The following ADAMTS19 variants were observed in gnomAD, a reference collection of about 807,000 sequenced individuals.
ADAMTS19 encodes ADAM metallopeptidase with thrombospondin type 1 motif 19, also known as A disintegrin and metalloproteinase with thrombospondin motifs 19.
ADAMTS19 carries 93 observed loss-of-function variants against 153.3 expected under a neutral mutation model. The ratio of observed to expected loss-of-function variants is 0.61; its 90% CI spans 0.51 to 0.72. ADAMTS19 has a LOEUF of 0.72. Among genes scored for constraint, ADAMTS19 ranks in the 30% least tolerant of loss-of-function variants. The probability of loss-of-function intolerance (pLI) is 0.00; values close to 1 mark genes in which losing one functional copy is unlikely to be tolerated. For missense variants in ADAMTS19, 1,482 were observed against 1,552.1 expected (o/e 0.95, Z 0.76); for synonymous variants, 600 against 556.6 (o/e 1.08, Z -1.10).
At chr5:129,637,637 G>C (rs1473463821) in intron 10 of ADAMTS19, among the ~76,000 whole-genome samples, 1 of 152,172 alleles carries the variant, frequency 6.6e-6, no homozygotes, top group African/African-American at 2.4e-5. Context: ...CTGAGGTCAG[G>C]AGTTCAAGAC....
At chr5:129,534,302 G>A (rs919482482) in intron 6 of ADAMTS19, among the ~76,000 whole-genome samples, 6 of 151,968 alleles carry the variant, frequency 3.9e-5, no homozygotes, top group South Asian at 2.1e-4. Context: ...ACACCTCTAC[G>A]CAAATAAACT....
At chr5:129,696,468 T>C (rs1755555885) in intron 19 of ADAMTS19, among the ~76,000 whole-genome samples, 1 of 152,166 alleles carries the variant, frequency 6.6e-6, no homozygotes, top group Admixed American at 6.6e-5. Flanking sequence ...AAGGCTTGCT[T>C]TCTGTAGATT....
intron 7 of ADAMTS19, among the ~76,000 whole-genome samples, chr5:129,576,879 A>G (rs1754123086): frequency 6.6e-6 from 1 of 152,098 alleles, no homozygotes; most frequent in South Asian, 2.1e-4. Flanking sequence ...CTTTCCCCTG[A>G]TGCTTACCCT....
intron 22 of ADAMTS19, among the ~76,000 whole-genome samples, chr5:129,736,276 A>G (rs1043097414): frequency 3.3e-5 from 5 of 152,058 alleles, no homozygotes; most frequent in African/African-American, 1.2e-4. Context: ...TTCTCTATTT[A>G]TTATTCCTTG....
chr5:129,468,399 GC>G (rs1199860324), intron 2 of ADAMTS19, among the ~76,000 whole-genome samples: 1 of 152,138 alleles, frequency 6.6e-6, no homozygotes, highest in Non-Finnish European at 1.5e-5. Flanking sequence ...CTTTTGCCAG[GC>G]TGGAATGCAG....
Position 129,608,116 on chromosome 5 carries a change from G to GTGTGTATATATATATA in ADAMTS19, c.1478+11453_1478+11454insGTGTATATATATATAT, listed in dbSNP as rs377008786. Among the ~76,000 whole-genome samples the GTGTGTATATATATATA allele has an allele frequency of 4.1e-3, 198 of 47,910 alleles. 3 individuals carry two copies. Among genetic ancestry groups the GTGTGTATATATATATA allele is most frequent in the Non-Finnish European group, 7.7e-3 (154 of 20,098 alleles). The allele number at this position is 47,910 out of a possible 152,430, so 31.4% of individuals were successfully genotyped here. A position where few individuals can be genotyped will look rare whatever the true frequency, so the allele number is the denominator to read the frequency against. On this transcript the variant is annotated intron_variant, in intron 8 of 22. Coordinates refer to ENST00000274487, the MANE Select transcript of ADAMTS19 (RefSeq NM_133638.6). Reference sequence around the variant, plus strand: ...TGTGTGTGTGTGTGTGTGTGTGTGTGTATATATATATATATATATATATAA... The same window carrying GTGTGTATATATATATA: ...TGTGTGTGTGTGTGTGTGTGTGTGTGTGTGTATATATATATATATATATATATATATATATATATAA...
At chr5:129,524,909 G>A (rs1392687513) in intron 3 of ADAMTS19, among the ~76,000 whole-genome samples, 3 of 152,068 alleles carry the variant, frequency 2.0e-5, no homozygotes, top group African/African-American at 4.8e-5. Context: ...TCTTTAAATG[G>A]AATCATACTA....
chr5:129,604,079 G>A (rs911002093), intron 8 of ADAMTS19, among the ~76,000 whole-genome samples: 4 of 151,930 alleles, frequency 2.6e-5, no homozygotes, highest in Admixed American at 6.6e-5. Flanking sequence ...ACAGGGAGGG[G>A]AACAACTCAT....
intron 21 of ADAMTS19, among the ~76,000 whole-genome samples, chr5:129,721,080 G>T (rs965969188): frequency 1.3e-5 from 2 of 152,122 alleles, no homozygotes; most frequent in Non-Finnish European, 2.9e-5. Flanking sequence ...TTTGTGGATG[G>T]CTATTTATTG....
intron 6 of ADAMTS19, among the ~76,000 whole-genome samples, chr5:129,532,647 A>T (rs530260306): frequency 2.1e-3 from 317 of 152,336 alleles, no homozygotes; most frequent in African/African-American, 7.2e-3. Context: ...AAATTTATAG[A>T]AGCTTTCATA....
At chr5:129,490,328 C>T (rs1037540232) in intron 2 of ADAMTS19, among the ~76,000 whole-genome samples, 1 of 152,144 alleles carries the variant, frequency 6.6e-6, no homozygotes, top group East Asian at 1.9e-4. Context: ...CTGTAAAATG[C>T]ACACCCATGA....
intron 7 of ADAMTS19, among the ~76,000 whole-genome samples, chr5:129,581,334 G>A (rs1339318115): frequency 6.6e-6 from 1 of 151,928 alleles, no homozygotes; most frequent in Non-Finnish European, 1.5e-5. Flanking sequence ...TCTTGGGAGG[G>A]TGTATGTGTC....
At chr5:129,639,050 G>A (rs746839289) in intron 10 of ADAMTS19, among the ~76,000 whole-genome samples, 3 of 152,072 alleles carry the variant, frequency 2.0e-5, no homozygotes, top group Non-Finnish European at 4.4e-5. Flanking sequence ...ATTTTTATTA[G>A]TTTGCGAGAA....
Position 129,483,097 on chromosome 5 carries a change from C to T in ADAMTS19, c.747+21340C>T, listed in dbSNP as rs141532590. ...TATTAGCTGTATACACTACAAATAT[C>T]TTCTCTGTGACCTAGAGATCATTTC... On this transcript the variant is annotated intron_variant, in intron 2 of 22. Coordinates refer to ENST00000274487, the MANE Select transcript of ADAMTS19 (RefSeq NM_133638.6). Among the ~76,000 whole-genome samples, 7 of 152,234 alleles carry T rather than the reference C, an allele frequency of 4.6e-5. No homozygotes were observed. The East Asian group carries it at 1.4e-3, about 29-fold the overall frequency.
At chr5:129,536,951 C>T (rs567673905) in intron 6 of ADAMTS19, among the ~76,000 whole-genome samples, 1 of 151,446 alleles carries the variant, frequency 6.6e-6, no homozygotes, top group Non-Finnish European at 1.5e-5. Context: ...GGAGATATAC[C>T]TAATGCTAAA....
At chr5:129,703,437 A>G (rs976425254) in intron 20 of ADAMTS19, among the ~76,000 whole-genome samples, 1 of 152,102 alleles carries the variant, frequency 6.6e-6, no homozygotes, top group Non-Finnish European at 1.5e-5. Context: ...TTATATACAG[A>G]AATTCTAAAT....
chr5:129,532,489 G>A (rs576512690), intron 6 of ADAMTS19, among the ~76,000 whole-genome samples: 60 of 152,110 alleles, frequency 3.9e-4, no homozygotes, highest in Middle Eastern at 3.4e-3. Context: ...CTCAGTTGTT[G>A]GTGGGATTAT....
intron 16 of ADAMTS19, among the ~76,000 whole-genome samples, chr5:129,671,810 ATC>A (rs1266648830): frequency 1.3e-5 from 2 of 152,144 alleles, no homozygotes; most frequent in Admixed American, 1.3e-4. Context: ...AAATCATTCC[ATC>A]TCATGAGTTT....
intron 3 of ADAMTS19, among the ~76,000 whole-genome samples, chr5:129,521,190 G>T (rs1454973312): frequency 6.6e-6 from 1 of 152,030 alleles, no homozygotes; most frequent in Non-Finnish European, 1.5e-5. Context: ...AATATGACCA[G>T]TGATTATTTA....
Sources: allele counts gnomAD v4.1 joint callset (sites outside exome capture counted in the v4.1 genomes callset), GRCh38; gene constraint gnomAD v4.1.1; transcripts MANE v1.5; gene names NCBI Gene and HGNC (gene_info 2026-07-23, HGNC 2026-07-21).